Variants in CAMTA1 observed in about 807,000 individuals in gnomAD.
CAMTA1 encodes the protein calmodulin-binding transcription activator 1.
In CAMTA1, 27 loss-of-function variants were observed where a neutral mutation model predicts 170.9. That is an observed-to-expected ratio of 0.16 (90% CI 0.12 to 0.22). CAMTA1 has a LOEUF of 0.22. CAMTA1 is among the 10% of genes least tolerant of loss of function. CAMTA1 has a pLI of 1.00. For missense variants in CAMTA1, 1,619 were observed against 2,217.2 expected (o/e 0.73, Z 5.42); for synonymous variants, 833 against 891.5 (o/e 0.93, Z 1.17).
intron 3 of CAMTA1, among the ~76,000 whole-genome samples, chr1:6,901,777 T>C (rs893001935): frequency 6.6e-6 from 1 of 152,128 alleles, no homozygotes; most frequent in Non-Finnish European, 1.5e-5. Context: ...GTGCGGTGGC[T>C]CACACCTGTA....
At chr1:7,381,814 CTGT>C (rs2087366062) in intron 5 of CAMTA1, among the ~76,000 whole-genome samples, 2 of 149,206 alleles carry the variant, frequency 1.3e-5, no homozygotes, top group African/African-American at 5.0e-5. Flanking sequence ...TCTCCAGCAC[CTGT>C]TGTTTCCTGA....
intron 9 of CAMTA1, among the ~76,000 whole-genome samples, chr1:7,666,677 G>A (rs1303733085): frequency 1.3e-5 from 2 of 152,128 alleles, no homozygotes; most frequent in African/African-American, 2.4e-5. Flanking sequence ...GGCTGCCCAC[G>A]GCCCACTCGG....
intron 6 of CAMTA1, among the ~76,000 whole-genome samples, chr1:7,594,592 A>T (rs1015938070): frequency 6.6e-6 from 1 of 152,192 alleles, no homozygotes. Flanking sequence ...CTGCAGAGCT[A>T]CTGGAAGGCC....
chr1:7,349,658 T>C (rs1185534315), intron 5 of CAMTA1, among the ~76,000 whole-genome samples: 1 of 152,244 alleles, frequency 6.6e-6, no homozygotes, highest in East Asian at 1.9e-4. Flanking sequence ...CCTGTGTCTG[T>C]GTCCTCATCT....
chr1:6,922,244 G>T (rs1475545930), intron 3 of CAMTA1, among the ~76,000 whole-genome samples: 2 of 152,140 alleles, frequency 1.3e-5, no homozygotes, highest in Non-Finnish European at 2.9e-5. Flanking sequence ...GCAAAAGCAG[G>T]TGCAGAGGGA....
intron 4 of CAMTA1, among the ~76,000 whole-genome samples, chr1:7,207,561 C>T (rs749425293): frequency 6.6e-6 from 1 of 152,106 alleles, no homozygotes; most frequent in Non-Finnish European, 1.5e-5. Context: ...ACCTTGGAGC[C>T]CTGTCCCACC....
chr1:7,314,476 G>A (rs569789664), intron 5 of CAMTA1, among the ~76,000 whole-genome samples: 44 of 152,310 alleles, frequency 2.9e-4, no homozygotes, highest in African/African-American at 9.9e-4. Flanking sequence ...TTCATGCCCT[G>A]TGTATCATGG....
intron 11 of CAMTA1, among the ~76,000 whole-genome samples, chr1:7,719,843 A>G (rs2096637749): frequency 1.3e-5 from 2 of 152,268 alleles, no homozygotes; most frequent in African/African-American, 2.4e-5. Flanking sequence ...ACAGTGCTCT[A>G]CAGAAATAGT....
At position 6,975,674 on chromosome 1, in the gene CAMTA1, A is replaced by G. The variant is rs539425243; in HGVS notation, c.235-115630A>G. On this transcript the variant is annotated intron_variant, in intron 3 of 22. Transcript: ENST00000303635. Reference sequence around the variant, plus strand: ...GAATTGTAGGCTTTAGATGGGTACAATTCACTCATGTAAAGCCTACAATTC... The same window carrying G: ...GAATTGTAGGCTTTAGATGGGTACAGTTCACTCATGTAAAGCCTACAATTC... Among the ~76,000 whole-genome samples, 116 of 152,246 alleles carry G rather than the reference A, an allele frequency of 7.6e-4. 1 individual carries two copies. Among genetic ancestry groups the G allele is most frequent in the South Asian group, 1.5e-3 (7 of 4,818 alleles).
At chr1:7,751,703 C>A (rs2096898640) in intron 20 of CAMTA1, among the ~76,000 whole-genome samples, 1 of 137,722 alleles carries the variant, frequency 7.3e-6, no homozygotes, top group African/African-American at 2.7e-5. Context: ...AGTAGTTTAA[C>A]CCATTTCCTG....
chr1:6,864,556 A>C (rs1665920862), intron 3 of CAMTA1, among the ~76,000 whole-genome samples: 1 of 152,068 alleles, frequency 6.6e-6, no homozygotes, highest in Non-Finnish European at 1.5e-5. Flanking sequence ...ATCTCCTGCC[A>C]AGCCCCTCTC....
chr1:7,304,880 T>C (rs180904003), intron 5 of CAMTA1, among the ~76,000 whole-genome samples: 53 of 152,154 alleles, frequency 3.5e-4, no homozygotes, highest in African/African-American at 1.3e-3. Flanking sequence ...CAAATTTATC[T>C]CTTTTCTTTC....
chr1:6,790,373 AGAGTGT>A (rs1360501047), intron 1 of CAMTA1, among the ~76,000 whole-genome samples: 25 of 139,946 alleles, frequency 1.8e-4, no homozygotes, highest in South Asian at 4.7e-4. Flanking sequence ...AGAGAGAGAG[AGAGTGT>A]GTGTGTGTGT....
intron 6 of CAMTA1, among the ~76,000 whole-genome samples, chr1:7,498,514 T>C (rs921467691): frequency 1.3e-5 from 2 of 151,820 alleles, no homozygotes; most frequent in East Asian, 1.9e-4. Flanking sequence ...TGTGGGTGTA[T>C]ATGCATAGGA....
chr1:7,248,020 G>A lies in CAMTA1; in HGVS notation c.303-1471G>A, dbSNP rs913081480. On this transcript the variant is annotated intron_variant, in intron 4 of 22. Transcript: ENST00000303635. The surrounding 1 kb of genome is among the most constrained non-coding windows in gnomAD (Gnocchi z 4.0). ...TGTGCCCTGATCGGGAAACAATGAA[G>A]TATCGGGAGTCGCTGTTGAAAGTCT... Among the ~76,000 whole-genome samples, 1 of 152,198 alleles carries A rather than the reference G, an allele frequency of 6.6e-6. No homozygotes were observed. The highest frequency in any genetic ancestry group is 2.4e-5 in the African/African-American group (1 of 41,456).
At chr1:7,070,053 G>C (rs1348843135) in intron 3 of CAMTA1, among the ~76,000 whole-genome samples, 1 of 152,202 alleles carries the variant, frequency 6.6e-6, no homozygotes, top group Non-Finnish European at 1.5e-5. Context: ...GTGAGCCGCA[G>C]CTCCCTCGGA....
intron 3 of CAMTA1, among the ~76,000 whole-genome samples, chr1:6,974,011 G>A (rs1307184398): frequency 6.6e-6 from 1 of 152,238 alleles, no homozygotes; most frequent in Admixed American, 6.5e-5. Flanking sequence ...TGAAGCTGCG[G>A]TTGAATTTTT....
intron 3 of CAMTA1, among the ~76,000 whole-genome samples, chr1:7,026,891 G>A (rs1254215551): frequency 2.6e-5 from 4 of 152,218 alleles, no homozygotes; most frequent in Admixed American, 2.0e-4. Flanking sequence ...GCCTCCCAAA[G>A]TGGTGGGATT....
intron 4 of CAMTA1, among the ~76,000 whole-genome samples, chr1:7,167,513 A>C (rs1648727193): frequency 6.6e-6 from 1 of 152,190 alleles, no homozygotes; most frequent in Non-Finnish European, 1.5e-5. Context: ...CTTGGAAATA[A>C]GTCTTCACAG....
Sources: gnomAD v4.1 joint callset for allele counts (sites outside exome capture counted in the v4.1 genomes callset) on GRCh38, gnomAD v4.1.1 for gene constraint, Gnocchi (gnomAD v3.1) non-coding constraint, MANE v1.5 for transcripts, NCBI Gene and HGNC (gene_info 2026-07-23, HGNC 2026-07-21) for gene names.